The following GLIS2 variants were observed in gnomAD, a reference collection of about 807,000 sequenced individuals.
The protein encoded by GLIS2 is zinc finger protein GLIS2.
Under a neutral mutation model 35.6 loss-of-function variants are expected in GLIS2, and 14 were observed. The observed-to-expected ratio is 0.39, with a 90% CI of 0.26 to 0.61. The LOEUF is 0.61. GLIS2 is among the 20% of genes least tolerant of loss of function. The probability of loss-of-function intolerance (pLI) is 0.48; values close to 1 mark genes in which losing one functional copy is unlikely to be tolerated. For missense variants in GLIS2, 675 were observed against 713.4 expected (o/e 0.95, Z 0.61); for synonymous variants, 368 against 325.1 (o/e 1.13, Z -1.42).
intron 3 of GLIS2, 29 bp from the exon 4 acceptor site, chr16:4,334,772 C>G: frequency 6.2e-7 from 1 of 1,612,560 alleles, no homozygotes; most frequent in Non-Finnish European, 8.5e-7. Flanking sequence ...GCCAGCAGGA[C>G]CTTGACTAGC....
chr16:4,333,229 G>C, intron 2 of GLIS2, 118 bp from the exon 3 acceptor site: 2 of 1,098,218 alleles, frequency 1.8e-6, no homozygotes, highest in Admixed American at 3.9e-5. Flanking sequence ...ACATTCGTGT[G>C]GTCTGGGGGC....
intron 1 of GLIS2, among the ~76,000 whole-genome samples, chr16:4,319,823 C>A (rs1402947425): frequency 6.6e-6 from 1 of 152,260 alleles, no homozygotes; most frequent in East Asian, 1.9e-4. Flanking sequence ...TCCGGCTTAG[C>A]CCCTGGGTGA....
chr16:4,319,190 C>T (rs917333672), intron 1 of GLIS2, among the ~76,000 whole-genome samples: 3 of 152,070 alleles, frequency 2.0e-5, no homozygotes, highest in African/African-American at 7.2e-5. Context: ...GAATCCCTTC[C>T]TCTCCTCATG....
chr16:4,322,843 G>A (rs1473126981), intron 1 of GLIS2, among the ~76,000 whole-genome samples: 25 of 152,342 alleles, frequency 1.6e-4, no homozygotes, highest in Admixed American at 1.1e-3. Flanking sequence ...CAGGGGAGGC[G>A]TGGGCCACGG....
chr16:4,327,739 A>G (rs1195341292), intron 1 of GLIS2, among the ~76,000 whole-genome samples: 1 of 148,188 alleles, frequency 6.7e-6, no homozygotes, highest in Non-Finnish European at 1.5e-5. Flanking sequence ...GGTCCCCCGA[A>G]GCCCCCGCCG....
Position 4,332,066 on chromosome 16 carries a change from G to A in GLIS2, c.-66-149G>A. 1.6e-6 allele frequency: 1 copy of A among 644,058 alleles called. No individual in the cohort carries two copies. The highest frequency in any genetic ancestry group is 2.3e-5 in the Admixed American group (1 of 43,388). 39.9% of individuals were successfully genotyped at this position (644,058 alleles called of 1,614,324 possible). ...GGCTGTTGGCTCTCCCCCCATGATA[G>A]CTGCCGGCCAGGTCGCTCGGAGGGT... On this transcript the variant is annotated intron_variant, in intron 1 of 6. Transcript: ENST00000433375. The surrounding 1 kb of genome is among the most constrained non-coding windows in gnomAD (Gnocchi z 5.4).
intron 1 of GLIS2, among the ~76,000 whole-genome samples, chr16:4,318,152 G>T (rs2053335965): frequency 6.6e-6 from 1 of 152,202 alleles, no homozygotes; most frequent in South Asian, 2.1e-4. Flanking sequence ...GGCTTCTGGG[G>T]ATTGGCTGGA....
intron 1 of GLIS2, chr16:4,325,437 G>A (rs2053420331): frequency 6.6e-6 from 1 of 152,278 alleles, no homozygotes. Context: ...GCTTGCCCGT[G>A]GCTTCTGGTT....
At chr16:4,316,931 G>C (rs1467725663) in intron 1 of GLIS2, among the ~76,000 whole-genome samples, 1 of 152,208 alleles carries the variant, frequency 6.6e-6, no homozygotes, top group Non-Finnish European at 1.5e-5. Context: ...GGTGGAGGAG[G>C]GGGCGAGGCA....
chr16:4,337,523 G>A lies in GLIS2; in HGVS notation c.1574G>A (p.Ter525=), dbSNP rs756086977. The change falls in exon 7 of 7, where the codon TGA becomes TAA. Residue 525 remains the stop codon, a stop_retained_variant. Coordinates refer to ENST00000433375, the MANE Select transcript of GLIS2 (RefSeq NM_032575.3). ...CTGCTCAAACCGGCTGTGGTGAACT[G>A]AGCCCATCCTGCGGACAGTTGTGGT... is the stretch of plus-strand genomic sequence containing the variant. ...SVLLKPAVVN[*] 3.2e-6 allele frequency: 5 copies of A among 1,556,080 alleles called. No homozygotes were observed. The highest frequency in any genetic ancestry group is 2.3e-5 in the East Asian group (1 of 42,678).
intron 1 of GLIS2, among the ~76,000 whole-genome samples, chr16:4,330,189 A>G (rs1317715538): frequency 6.6e-6 from 1 of 151,932 alleles, no homozygotes; most frequent in Non-Finnish European, 1.5e-5. Flanking sequence ...AGGCAGGACA[A>G]TCGCTTGAAC....
At chr16:4,318,124 G>A (rs1597330552) in intron 1 of GLIS2, among the ~76,000 whole-genome samples, 1 of 152,188 alleles carries the variant, frequency 6.6e-6, no homozygotes, top group South Asian at 2.1e-4. Flanking sequence ...TCCAGGCACC[G>A]CTGCTTTTGG....
At chr16:4,318,986 G>T (rs530341105) in intron 1 of GLIS2, among the ~76,000 whole-genome samples, 21 of 152,186 alleles carry the variant, frequency 1.4e-4, no homozygotes, top group African/African-American at 4.3e-4. Context: ...GGGGCATCTT[G>T]GGGGGGCTCC....
rs905239691 is a variant in GLIS2, at chr16:4,332,828, G to A, written c.172+376G>A. Reference sequence around the variant, plus strand: ...GTCTGAGCCCAGGAGGTGCCTCTCAGGGATTCCCGGTGCTTGGGCCCAGGG... The same window carrying A: ...GTCTGAGCCCAGGAGGTGCCTCTCAAGGATTCCCGGTGCTTGGGCCCAGGG... On this transcript the variant is annotated intron_variant, in intron 2 of 6. Transcript: ENST00000433375. The surrounding 1 kb of genome is among the most constrained non-coding windows in gnomAD (Gnocchi z 5.4). Among the ~76,000 whole-genome samples the A allele has an allele frequency of 6.6e-6, 1 of 152,334 alleles. No homozygotes were observed. The highest frequency in any genetic ancestry group is 2.4e-5 in the African/African-American group (1 of 41,584).
intron 1 of GLIS2, among the ~76,000 whole-genome samples, chr16:4,328,709 G>A: frequency 6.6e-6 from 1 of 152,288 alleles, no homozygotes; most frequent in East Asian, 1.9e-4. Context: ...GATGAAGGGG[G>A]TGCATTGGAG....
chr16:4,336,276 A>C, intron 6 of GLIS2: 1 of 306,272 alleles, frequency 3.3e-6, no homozygotes, highest in Non-Finnish European at 6.4e-6. Flanking sequence ...CCTCTGAGGT[A>C]GCTGGGATTA....
chr16:4,316,539 G>C (rs531517504), intron 1 of GLIS2, among the ~76,000 whole-genome samples: 3 of 151,796 alleles, frequency 2.0e-5, no homozygotes, highest in Non-Finnish European at 4.4e-5. Flanking sequence ...GCCCGGGCCC[G>C]GGGCGGGCGC....
In GLIS2 at chr16:4,335,196, G is replaced by T. The variant is rs774262912; in HGVS notation, c.656+3G>T. The T allele has an allele frequency of 6.2e-7, 1 of 1,613,550 alleles. No individual in the cohort carries two copies. The highest frequency in any genetic ancestry group is 1.1e-5 in the South Asian group (1 of 91,088). Reference sequence around the variant, plus strand: ...CATGGCCGAGGTTTCAACGCCAGGTGAGGTGGGGGAGAGAGGGGTAGAGGG... The same window carrying T: ...CATGGCCGAGGTTTCAACGCCAGGTTAGGTGGGGGAGAGAGGGGTAGAGGG... On this transcript the variant is annotated splice_donor_region_variant and intron_variant, in intron 5 of 6. Coordinates refer to ENST00000433375, the MANE Select transcript of GLIS2 (RefSeq NM_032575.3). This position sits in a 1 kb window ranked among gnomAD's most constrained non-coding sequence, Gnocchi z 4.6.
chr16:4,320,349 G>A lies in GLIS2; in HGVS notation c.-67+4095G>A, dbSNP rs957092621. ...GCCCGTCACATGGAGGGTCCCCACC[G>A]CTGGCACAGCACGCTCCCAGGGCAG... On this transcript the variant is annotated intron_variant, in intron 1 of 6. Transcript: ENST00000433375. The surrounding 1 kb of genome is among the most constrained non-coding windows in gnomAD (Gnocchi z 5.6). Among the ~76,000 whole-genome samples, 3 of 152,126 alleles carry A rather than the reference G, an allele frequency of 2.0e-5. No individual in the cohort carries two copies. The highest frequency in any genetic ancestry group is 4.8e-5 in the African/African-American group (2 of 41,406).
Sources: allele counts gnomAD v4.1 joint callset (sites outside exome capture counted in the v4.1 genomes callset), GRCh38; gene constraint gnomAD v4.1.1; non-coding constraint Gnocchi (gnomAD v3.1); transcripts MANE v1.5; gene names NCBI Gene and HGNC (gene_info 2026-07-23, HGNC 2026-07-21).